Variants in KCNQ3 observed in about 807,000 individuals in gnomAD.
The protein encoded by KCNQ3 is potassium voltage-gated channel subfamily KQT member 3.
A neutral mutation model predicts 92.5 loss-of-function variants in KCNQ3; 30 were observed. The observed-to-expected ratio is 0.32, with a 90% CI of 0.24 to 0.44. The LOEUF (loss-of-function observed/expected upper bound fraction) is 0.44. KCNQ3 is among the 20% of genes least tolerant of loss of function. KCNQ3 has a pLI of 1.00. For synonymous variants in KCNQ3, 450 were observed against 468.8 expected (o/e 0.96, Z 0.52); for missense variants, 913 against 1,140.3 (o/e 0.80, Z 2.87).
chr8:132,185,145 A>G (rs989184979), intron 2 of KCNQ3, among the ~76,000 whole-genome samples: 1 of 152,212 alleles, frequency 6.6e-6, no homozygotes, highest in African/African-American at 2.4e-5. Flanking sequence ...AGGGAGTTCC[A>G]CACTGAGGTC....
chr8:132,338,464 A>C (rs1818427509), intron 1 of KCNQ3, among the ~76,000 whole-genome samples: 1 of 152,332 alleles, frequency 6.6e-6, no homozygotes, highest in Non-Finnish European at 1.5e-5. Flanking sequence ...CTGACCTCAG[A>C]GGGTCACAGG....
chr8:132,177,561 C>T (rs1248147405), intron 4 of KCNQ3, among the ~76,000 whole-genome samples: 1 of 152,210 alleles, frequency 6.6e-6, no homozygotes, highest in Non-Finnish European at 1.5e-5. Flanking sequence ...CCACCCAGCA[C>T]ACATCGGATA....
intron 1 of KCNQ3, among the ~76,000 whole-genome samples, chr8:132,263,420 C>G (rs1815857564): frequency 6.6e-6 from 1 of 152,194 alleles, no homozygotes; most frequent in Non-Finnish European, 1.5e-5. Context: ...CCATTTCTAT[C>G]CAGTTCCCTG....
chr8:132,447,179 A>C, intron 1 of KCNQ3: 1 of 1,533,124 alleles, frequency 6.5e-7, no homozygotes, highest in Non-Finnish European at 8.7e-7. Flanking sequence ...CATATCCCCA[A>C]AATGAGAATC....
intron 1 of KCNQ3, among the ~76,000 whole-genome samples, chr8:132,299,023 G>A (rs973221370): frequency 2.0e-5 from 3 of 151,900 alleles, no homozygotes; most frequent in African/African-American, 7.2e-5. Flanking sequence ...AGGGTCTAGA[G>A]TAGTCTGTCT....
intron 1 of KCNQ3, among the ~76,000 whole-genome samples, chr8:132,325,769 A>G (rs1301828290): frequency 3.3e-5 from 5 of 152,154 alleles, no homozygotes; most frequent in African/African-American, 9.7e-5. Context: ...TGACAGCCCT[A>G]GTGAACTAAT....
chr8:132,428,275 T>G (rs534724610), intron 1 of KCNQ3, among the ~76,000 whole-genome samples: 16 of 152,344 alleles, frequency 1.1e-4, no homozygotes, highest in South Asian at 6.2e-4. Context: ...AGTCCTGCTG[T>G]CTAGGCATTC....
chr8:132,298,764 C>T (rs530897440), intron 1 of KCNQ3, among the ~76,000 whole-genome samples: 122 of 152,156 alleles, frequency 8.0e-4, no homozygotes, highest in Non-Finnish European at 1.5e-3. Flanking sequence ...CAAAAATTTG[C>T]TGGGCATGGT....
At chr8:132,465,185 C>A (rs1368365093) in intron 1 of KCNQ3, among the ~76,000 whole-genome samples, 1 of 152,182 alleles carries the variant, frequency 6.6e-6, no homozygotes, top group East Asian at 1.9e-4. Context: ...GCCATTTTCT[C>A]CACAAAAGAT....
chr8:132,189,739 T>C (rs1827100527), intron 1 of KCNQ3, among the ~76,000 whole-genome samples: 1 of 151,404 alleles, frequency 6.6e-6, no homozygotes, highest in Admixed American at 6.6e-5. Context: ...GGCAGGAGAA[T>C]CACTTGAACC....
At position 132,129,440 on chromosome 8, in the gene KCNQ3, T is replaced by G. The variant is rs778009983; in HGVS notation, c.2441A>C (p.Asp814Ala). 7 of 1,614,174 alleles carry G rather than the reference T, an allele frequency of 4.3e-6. No individual in the cohort carries two copies. In the South Asian group the frequency reaches 7.7e-5, roughly 18 times the overall value. Residue 814 changes from aspartate (D) to alanine (A), a missense_variant, in exon 15 of 15, where the codon GAT (aspartate) becomes GCT (alanine). Asp to Ala is a moderately radical substitution (Grantham distance 126). Coordinates refer to ENST00000388996, the MANE Select transcript of KCNQ3 (RefSeq NM_004519.4). The surrounding 1 kb of genome is among the most constrained non-coding windows in gnomAD (Gnocchi z 5.9). ...CCCATTGGGGCCGAACACATAATCA[T>G]CTCTGTCCTGGGAGATGCTGAAGCC... The part of the protein sequence containing the change: ...PSGFSISQDR[D>A]DYVFGPNGGS...
At chr8:132,276,730 A>G (rs868036741) in intron 1 of KCNQ3, among the ~76,000 whole-genome samples, 3 of 152,216 alleles carry the variant, frequency 2.0e-5, no homozygotes, top group Admixed American at 6.5e-5. Flanking sequence ...AATGCCATGA[A>G]GAGTATGTGC....
chr8:132,143,885 C>CT (rs1220879721), intron 9 of KCNQ3, among the ~76,000 whole-genome samples: 1 of 152,152 alleles, frequency 6.6e-6, no homozygotes, highest in Non-Finnish European at 1.5e-5. Flanking sequence ...TTTTACAATA[C>CT]TTCTTAATGC....
chr8:132,130,632 G>A (rs373690741), intron 14 of KCNQ3, among the ~76,000 whole-genome samples: 6 of 152,240 alleles, frequency 3.9e-5, no homozygotes, highest in African/African-American at 1.4e-4. Flanking sequence ...AATGTTGCCC[G>A]GGTCAAGGAG....
intron 1 of KCNQ3, among the ~76,000 whole-genome samples, chr8:132,285,297 G>A (rs1386826960): frequency 6.6e-6 from 1 of 152,200 alleles, no homozygotes; most frequent in Non-Finnish European, 1.5e-5. Context: ...CTTTTTAGAG[G>A]TTGGTTAAGT....
intron 1 of KCNQ3, among the ~76,000 whole-genome samples, chr8:132,403,733 C>T (rs2721896): frequency 3.3e-5 from 5 of 152,200 alleles, no homozygotes; most frequent in African/African-American, 7.2e-5. Context: ...CACACAGCCC[C>T]GGGCCTCTGG....
At chr8:132,158,504 A>G (rs190317597) in intron 9 of KCNQ3, among the ~76,000 whole-genome samples, 1 of 152,274 alleles carries the variant, frequency 6.6e-6, no homozygotes, top group Admixed American at 6.5e-5. Context: ...TGGGCCAAGA[A>G]AGGGTAGAAG....
intron 1 of KCNQ3, among the ~76,000 whole-genome samples, chr8:132,478,215 C>A (rs192500360): frequency 6.6e-6 from 1 of 152,126 alleles, no homozygotes; most frequent in East Asian, 1.9e-4. Flanking sequence ...TGCAATAATT[C>A]TAGAAAAAAA....
intron 1 of KCNQ3, among the ~76,000 whole-genome samples, chr8:132,247,655 G>A (rs1044697061): frequency 1.3e-5 from 2 of 151,894 alleles, no homozygotes; most frequent in African/African-American, 2.4e-5. Flanking sequence ...AAAATTAGCC[G>A]GGCGTGGCGG....
Sources: allele counts gnomAD v4.1 joint callset (sites outside exome capture counted in the v4.1 genomes callset), GRCh38; gene constraint gnomAD v4.1.1; non-coding constraint Gnocchi (gnomAD v3.1); transcripts MANE v1.5; gene names NCBI Gene and HGNC (gene_info 2026-07-23, HGNC 2026-07-21).